Variants in PAG1 observed in about 807,000 individuals in gnomAD.
PAG1 encodes the protein phosphoprotein associated with glycosphingolipid-enriched microdomains 1.
A neutral mutation model predicts 31.7 loss-of-function variants in PAG1; 23 were observed. The observed-to-expected ratio is 0.73, with a 90% CI of 0.52 to 1.03. The LOEUF is 1.03. Among genes scored for constraint, PAG1 ranks in the 50% least tolerant of loss-of-function variants. PAG1 has a pLI of 0.00. For synonymous variants in PAG1, 214 were observed against 210.3 expected, an observed-to-expected ratio of 1.02 and a Z score of -0.15; for missense variants, 473 against 540.7, an observed-to-expected ratio of 0.87 and a Z score of 1.24.
chr8:81,016,315 C>T (rs561954998), intron 3 of PAG1, among the ~76,000 whole-genome samples: 1 of 152,146 alleles, frequency 6.6e-6, no homozygotes, highest in Non-Finnish European at 1.5e-5. Flanking sequence ...GTAATTTGTT[C>T]AAGGCAAACT....
intron 3 of PAG1, among the ~76,000 whole-genome samples, chr8:80,997,967 A>G (rs1807714002): frequency 6.6e-6 from 1 of 152,224 alleles, no homozygotes; most frequent in South Asian, 2.1e-4. Flanking sequence ...TTATGGTTAA[A>G]GGACTTTCAT....
rs1179872312 is a variant in PAG1 at position 81,030,077 on chromosome 8, CTT to C, written c.-164_-163del. 1 of 152,254 alleles carries C rather than the reference CTT, an allele frequency of 6.6e-6. No individual in the cohort carries two copies. Among genetic ancestry groups the C allele is most frequent in the Non-Finnish European group, 1.5e-5 (1 of 68,048 alleles). 9.4% of individuals were successfully genotyped at this position (152,254 alleles called of 1,614,324 possible). ...TGAAATGTTGTGGTGAGAGTTCTCT[CTT>C]CTTTCTTGGCCTATAGCCAAAGAGA... On this transcript the variant is annotated 5_prime_UTR_variant, in exon 3 of 9. Coordinates refer to ENST00000220597, the MANE Select transcript of PAG1 (RefSeq NM_018440.4).
intron 2 of PAG1, among the ~76,000 whole-genome samples, chr8:81,064,523 G>T (rs867118114): frequency 9.2e-5 from 14 of 152,180 alleles, no homozygotes; most frequent in African/African-American, 3.4e-4. Flanking sequence ...ATATAAAGCA[G>T]ATTATATTGG....
intron 2 of PAG1, among the ~76,000 whole-genome samples, chr8:81,044,782 C>G (rs1274755662): frequency 1.3e-5 from 2 of 152,124 alleles, no homozygotes; most frequent in Non-Finnish European, 2.9e-5. Context: ...TAGGATGTTT[C>G]CTATGTCAGT....
intron 1 of PAG1, among the ~76,000 whole-genome samples, chr8:81,090,558 C>T (rs919612548): frequency 6.6e-6 from 1 of 152,172 alleles, no homozygotes; most frequent in African/African-American, 2.4e-5. Flanking sequence ...GCAATTACAG[C>T]AGTGTGAAAG....
intron 3 of PAG1, among the ~76,000 whole-genome samples, chr8:80,998,595 G>GAA (rs35503088): frequency 0.59 from 82,116 of 138,290 alleles, 26,039 homozygotes; most frequent in Non-Finnish European, 0.73. Flanking sequence ...TCCAACAGGA[G>GAA]AAAAAAAAAA....
rs919299882 is a variant in PAG1, at chr8:80,969,600, T to C, written c.*6944A>G. 19 of 152,244 alleles carry C rather than the reference T, an allele frequency of 1.2e-4. No individual in the cohort carries two copies. Among genetic ancestry groups the C allele is most frequent in the African/African-American group, 4.6e-4 (19 of 41,468 alleles). The allele number at this position is 152,244 out of a possible 1,614,324, so 9.4% of individuals were successfully genotyped here. On this transcript the variant is annotated 3_prime_UTR_variant, in exon 9 of 9. Coordinates refer to ENST00000220597, the MANE Select transcript of PAG1 (RefSeq NM_018440.4). ...GTAGGCTCTAGGGAGCAACTGGTCC[T>C]TCTTTTAGCTTTAACTGTGTCCTAT...
chr8:81,096,184 A>G (rs1272760353), intron 1 of PAG1, among the ~76,000 whole-genome samples: 1 of 152,200 alleles, frequency 6.6e-6, no homozygotes, highest in African/African-American at 2.4e-5. Flanking sequence ...ATAATAAAGC[A>G]ATGAGGTCCA....
chr8:81,064,562 T>G (rs1248507709), intron 2 of PAG1, among the ~76,000 whole-genome samples: 1 of 152,216 alleles, frequency 6.6e-6, no homozygotes, highest in Non-Finnish European at 1.5e-5. Flanking sequence ...CTTGAAGGAC[T>G]TGACTAAAGC....
chr8:81,035,439 A>G (rs1231242920), intron 2 of PAG1, among the ~76,000 whole-genome samples: 1 of 152,210 alleles, frequency 6.6e-6, no homozygotes, highest in African/African-American at 2.4e-5. Context: ...CACTGGGGCA[A>G]TAACATCTCA....
At chr8:80,993,412 C>A in intron 3 of PAG1, 105 bp from the exon 4 acceptor site, 1 of 569,100 alleles carries the variant, frequency 1.8e-6, no homozygotes, top group South Asian at 2.7e-5. Flanking sequence ...GTCAGGGAAG[C>A]GTGTGCTGGA....
chr8:81,094,127 T>C (rs1195280147), intron 1 of PAG1, among the ~76,000 whole-genome samples: 7 of 152,284 alleles, frequency 4.6e-5, no homozygotes, highest in South Asian at 4.1e-4. Context: ...AATGTTTTCT[T>C]GTCTTTTTTT....
At chr8:81,059,071 C>T (rs1808875090) in intron 2 of PAG1, among the ~76,000 whole-genome samples, 1 of 151,988 alleles carries the variant, frequency 6.6e-6, no homozygotes, top group Non-Finnish European at 1.5e-5. Context: ...TCCCCAGACA[C>T]TTAAGTATAT....
chr8:80,982,321 C>A (rs75124212), intron 7 of PAG1, among the ~76,000 whole-genome samples: 3 of 152,104 alleles, frequency 2.0e-5, no homozygotes. Context: ...CAATGAGACT[C>A]GCCTTCCCTG....
intron 1 of PAG1, among the ~76,000 whole-genome samples, chr8:81,100,993 T>G (rs979306342): frequency 3.9e-5 from 6 of 152,182 alleles, no homozygotes; most frequent in African/African-American, 1.4e-4. Context: ...ATTTTGAAAA[T>G]GCTATTGAAT....
rs1234158554 is a variant in PAG1, at chr8:81,021,908, TTG to T, written c.-81+8086_-81+8087del. On this transcript the variant is annotated intron_variant, in intron 3 of 8. Coordinates refer to ENST00000220597, the MANE Select transcript of PAG1 (RefSeq NM_018440.4). ...GGTAACGCAGAAGAAAGAAAAAACA[TTG>T]TGCAATTTGTCACCATTTACTTTAG... Among the ~76,000 whole-genome samples the T allele has an allele frequency of 2.6e-5, 4 of 152,302 alleles. No individual in the cohort carries two copies. The East Asian group carries it at 7.7e-4, about 29-fold the overall frequency.
intron 4 of PAG1, among the ~76,000 whole-genome samples, chr8:80,992,811 C>T (rs1171531664): frequency 6.6e-6 from 1 of 152,182 alleles, no homozygotes; most frequent in Admixed American, 6.5e-5. Flanking sequence ...AGACAAAATC[C>T]ATTTTGACAA....
chr8:80,984,523 C>T (rs896896231), intron 7 of PAG1, among the ~76,000 whole-genome samples: 1 of 152,068 alleles, frequency 6.6e-6, no homozygotes, highest in African/African-American at 2.4e-5. Flanking sequence ...AGATTTGGCC[C>T]TAATTAGACA....
intron 3 of PAG1, among the ~76,000 whole-genome samples, chr8:81,026,555 G>T (rs929849920): frequency 2.6e-5 from 4 of 151,568 alleles, no homozygotes; most frequent in Non-Finnish European, 5.9e-5. Context: ...TAACTTAGCT[G>T]CCTGCAGGCT....
Sources: allele counts gnomAD v4.1 joint callset (sites outside exome capture counted in the v4.1 genomes callset), GRCh38; gene constraint gnomAD v4.1.1; transcripts MANE v1.5; gene names NCBI Gene and HGNC (gene_info 2026-07-23, HGNC 2026-07-21).